Variants in UQCC2 observed in about 807,000 individuals in gnomAD.
UQCC2 encodes ubiquinol-cytochrome c reductase complex assembly factor 2.
A neutral mutation model predicts 19.9 loss-of-function variants in UQCC2; 21 were observed. The ratio of observed to expected loss-of-function variants is 1.05; its 90% confidence interval spans 0.75 to 1.52. The LOEUF (loss-of-function observed/expected upper bound fraction) is 1.52, where lower values mean the gene tolerates loss of function less well. UQCC2 is among the 40% of genes most tolerant of loss of function. The pLI, the probability that UQCC2 is intolerant of heterozygous loss-of-function variation, is 0.00. For missense variants in UQCC2, 135 were observed against 157.5 expected (o/e 0.86, Z 0.76); for synonymous variants, 57 against 60.9 (o/e 0.94, Z 0.30).
chr6:33,709,381 A>G (rs540272340), intron 1 of UQCC2, among the ~76,000 whole-genome samples: 7 of 152,306 alleles, frequency 4.6e-5, no homozygotes, highest in South Asian at 2.1e-4. Context: ...GCCACAACCA[A>G]TTATTTACTT....
intron 1 of UQCC2, among the ~76,000 whole-genome samples, chr6:33,710,963 G>A (rs1207953001): frequency 6.6e-6 from 1 of 152,184 alleles, no homozygotes; most frequent in Non-Finnish European, 1.5e-5. Context: ...AACGCTTAGC[G>A]GGGACCTGCA....
intron 1 of UQCC2, among the ~76,000 whole-genome samples, chr6:33,703,926 T>C (rs777201967): frequency 3.5e-4 from 53 of 152,388 alleles, no homozygotes; most frequent in Non-Finnish European, 6.6e-4. Flanking sequence ...TTAACAGTCA[T>C]GTATCTTTTA....
chr6:33,700,678 A>G (rs537474076), intron 2 of UQCC2, among the ~76,000 whole-genome samples, 165 bp from the exon 3 acceptor site: 5 of 152,150 alleles, frequency 3.3e-5, no homozygotes, highest in Non-Finnish European at 7.3e-5. Flanking sequence ...CGCAAGAACC[A>G]GTACAGTCTC....
intron 3 of UQCC2, 80 bp from the exon 4 acceptor site, chr6:33,697,830 C>T (rs566613763): frequency 2.6e-6 from 3 of 1,157,982 alleles, no homozygotes; most frequent in African/African-American, 1.5e-5. Context: ...TGGGCTTTCC[C>T]GACACAAGCA....
intron 1 of UQCC2, among the ~76,000 whole-genome samples, chr6:33,702,852 C>T (rs1166515532): frequency 2.0e-5 from 3 of 152,194 alleles, no homozygotes. Context: ...TAATAGGCAG[C>T]TCCACTGCTG....
At chr6:33,703,027 C>T (rs1183354657) in intron 1 of UQCC2, among the ~76,000 whole-genome samples, 2 of 152,160 alleles carry the variant, frequency 1.3e-5, no homozygotes, top group Non-Finnish European at 2.9e-5. Flanking sequence ...AGGTGGCCAG[C>T]GTTTGCTGAA....
At chr6:33,702,436 A>G (rs2127334796) in intron 1 of UQCC2, among the ~76,000 whole-genome samples, 1 of 152,328 alleles carries the variant, frequency 6.6e-6, no homozygotes, top group East Asian at 1.9e-4. Context: ...AACATTTAAG[A>G]TAAAATGTGT....
At chr6:33,711,522 C>A (rs1420619930) in intron 1 of UQCC2, 27 bp downstream of exon 1, 1 of 1,582,110 alleles carries the variant, frequency 6.3e-7, no homozygotes, top group South Asian at 1.1e-5. Context: ...TTCCTCCCCT[C>A]GTCCCAGCCG....
intron 2 of UQCC2, 23 bp downstream of exon 2, chr6:33,701,323 A>G (rs1765637146): frequency 1.9e-6 from 3 of 1,604,490 alleles, no homozygotes; most frequent in South Asian, 1.1e-5. Context: ...AGCTGGGTAT[A>G]TAAAAGACTG....
Position 33,700,533 on chromosome 6 carries a change from G to A in UQCC2, c.214-20C>T, listed in dbSNP as rs984717090. 6.2e-7 allele frequency: 1 copy of A among 1,613,224 alleles called. No homozygotes were observed. Among genetic ancestry groups the A allele is most frequent in the African/African-American group, 1.3e-5 (1 of 75,044 alleles). On this transcript the variant is annotated intron_variant, in intron 2 of 3. Coordinates refer to ENST00000607484, the MANE Select transcript of UQCC2 (RefSeq NM_032340.4). Reference sequence around the variant, plus strand: ...AGGGTACTGGTCACCGGGGCAGAAAGGAAGTGAAGGGAGGGGAGAGATCAG... The same window carrying A: ...AGGGTACTGGTCACCGGGGCAGAAAAGAAGTGAAGGGAGGGGAGAGATCAG...
In UQCC2 at chr6:33,698,958, G is replaced by GA. The variant is rs542684455; in HGVS notation, c.284-1209dup. ...TTTTCACGTTAACAAAACTACTGGAGAAAAAAAGAGTATCTTTTCTGACCA... is the reference window on the plus strand; with the variant it reads ...TTTTCACGTTAACAAAACTACTGGAGAAAAAAAAGAGTATCTTTTCTGACCA... On this transcript the variant is annotated intron_variant, in intron 3 of 3. Coordinates refer to ENST00000607484, the MANE Select transcript of UQCC2 (RefSeq NM_032340.4). Among the ~76,000 whole-genome samples the GA allele has an allele frequency of 4.6e-5, 7 of 152,048 alleles. No homozygotes were observed. The South Asian group carries it at 1.2e-3, about 27-fold the overall frequency.
At chr6:33,700,791 G>A (rs984856339) in intron 2 of UQCC2, among the ~76,000 whole-genome samples, 1 of 152,242 alleles carries the variant, frequency 6.6e-6, no homozygotes, top group African/African-American at 2.4e-5. Context: ...CCCAGGTGAT[G>A]CCCATGCTGC....
At chr6:33,700,673 G>C (rs1007468133) in intron 2 of UQCC2, among the ~76,000 whole-genome samples, 160 bp from the exon 3 acceptor site, 2 of 152,174 alleles carry the variant, frequency 1.3e-5, no homozygotes, top group Non-Finnish European at 2.9e-5. Flanking sequence ...GGCCTCGCAA[G>C]AACCAGTACA....
At chr6:33,701,832 T>C (rs1765643918) in intron 1 of UQCC2, among the ~76,000 whole-genome samples, 1 of 151,214 alleles carries the variant, frequency 6.6e-6, no homozygotes, top group Admixed American at 6.6e-5. Flanking sequence ...GCTCAAGTGG[T>C]CAGTGCATGA....
Position 33,701,356 on chromosome 6 carries a change from T to C in UQCC2, c.203A>G (p.Tyr68Cys), listed in dbSNP as rs780631938. ...ESLARLHSNY[Y>C]KHKYPRPRDT... Reference sequence around the variant, plus strand: ...CTGTGGCCCACTCACCTTGTGTTTGTAGTAGTTTGAATGGAGTCGCGCTAA... The same window carrying C: ...CTGTGGCCCACTCACCTTGTGTTTGCAGTAGTTTGAATGGAGTCGCGCTAA... The change falls in exon 2 of 4, where the codon TAC becomes TGC. Residue 68 changes from tyrosine (Y) to cysteine (C), a missense_variant. Transcript: ENST00000607484. The C allele has an allele frequency of 1.2e-5, 20 of 1,613,156 alleles. No individual in the cohort carries two copies. Among genetic ancestry groups the C allele is most frequent in the Middle Eastern group, 1.6e-4 (1 of 6,080 alleles).
rs78500811 is a variant in UQCC2, at chr6:33,708,637, G to T, written c.138+2912C>A. Among the ~76,000 whole-genome samples, 443 of 152,264 alleles carry T rather than the reference G, an allele frequency of 2.9e-3. 4 individuals carry two copies. Among genetic ancestry groups the T allele is most frequent in the African/African-American group, 0.01 (426 of 41,548 alleles). On this transcript the variant is annotated intron_variant, in intron 1 of 3. Coordinates refer to ENST00000607484, the MANE Select transcript of UQCC2 (RefSeq NM_032340.4). ...CCTCCAGTTCTGTCTTCTGGCAACC[G>T]GCTTAACCAAGGAGGAGCTCCATAC...
intron 1 of UQCC2, among the ~76,000 whole-genome samples, chr6:33,706,670 G>A (rs1029046969): frequency 6.6e-6 from 1 of 152,176 alleles, no homozygotes; most frequent in Non-Finnish European, 1.5e-5. Flanking sequence ...GAAATGACTG[G>A]GAGGATGAGG....
chr6:33,701,208 G>T, intron 2 of UQCC2, 138 bp downstream of exon 2: 1 of 875,032 alleles, frequency 1.1e-6, no homozygotes, highest in Non-Finnish European at 1.7e-6. Flanking sequence ...ACCTCTGTTG[G>T]CTTGGTTGAA....
chr6:33,701,388 G>A lies in UQCC2; in HGVS notation c.171C>T (p.Tyr57=), dbSNP rs200000987. The part of the protein sequence containing the change: ...VAEPEACDQM[Y]ESLARLHSNY... Reference sequence around the variant, plus strand: ...TTGAATGGAGTCGCGCTAAGCTCTCGTACATCTGATCACAGGCCTCAGGCT... The same window carrying A: ...TTGAATGGAGTCGCGCTAAGCTCTCATACATCTGATCACAGGCCTCAGGCT... Residue 57 remains tyrosine, a synonymous_variant, in exon 2 of 4, where the codon TAC becomes TAT. Transcript: ENST00000607484. 9.9e-6 allele frequency: 16 copies of A among 1,613,724 alleles called. No individual in the cohort carries two copies. The East Asian group carries it at 1.8e-4, about 18-fold the overall frequency.
Sources: gnomAD v4.1 joint callset for allele counts (sites outside exome capture counted in the v4.1 genomes callset) on GRCh38, gnomAD v4.1.1 for gene constraint, MANE v1.5 for transcripts, NCBI Gene and HGNC (gene_info 2026-07-23, HGNC 2026-07-21) for gene names.